BRINP1: variants seen among roughly 807,000 people sequenced by gnomAD.
The protein encoded by BRINP1 is BMP/retinoic acid-inducible neural-specific protein 1.
Under a neutral mutation model 72.9 loss-of-function variants are expected in BRINP1, and 17 were observed. That is an observed-to-expected ratio of 0.23 (90% CI 0.16 to 0.35). BRINP1 has a LOEUF of 0.35. BRINP1 is among the 10% of genes least tolerant of loss of function. BRINP1 has a pLI of 1.00. For missense variants in BRINP1, 850 were observed against 1,001.6 expected (o/e 0.85, Z 2.04); for synonymous variants, 418 against 378.5 (o/e 1.10, Z -1.21).
chr9:119,279,625 A>G lies in BRINP1; in HGVS notation c.219-30475T>C, dbSNP rs1255087176. 1.2e-4 allele frequency among the ~76,000 whole-genome samples: 18 copies of G among 151,972 alleles called. 1 individual carries two copies. Among genetic ancestry groups the G allele is most frequent in the Admixed American group, 1.2e-3 (18 of 15,258 alleles). On this transcript the variant is annotated intron_variant, in intron 2 of 7. Coordinates refer to ENST00000265922, the MANE Select transcript of BRINP1 (RefSeq NM_014618.3). ...CTCGTTCACATTAATTGTGTAGAAA[A>G]AGGTGGAAATTAGTTGAACAAGTGT...
At chr9:119,225,262 A>G (rs912226587) in intron 5 of BRINP1, among the ~76,000 whole-genome samples, 1 of 152,012 alleles carries the variant, frequency 6.6e-6, no homozygotes, top group Admixed American at 6.6e-5. Flanking sequence ...AAAATGTAAA[A>G]TGGAGGAAGC....
chr9:119,211,175 TA>T (rs1829922813), intron 6 of BRINP1, among the ~76,000 whole-genome samples: 1 of 127,968 alleles, frequency 7.8e-6, no homozygotes, highest in Admixed American at 7.1e-5. Context: ...TTTATTTATT[TA>T]TTTATTTATT....
intron 2 of BRINP1, among the ~76,000 whole-genome samples, chr9:119,277,909 C>T (rs1027684055): frequency 3.9e-5 from 6 of 152,046 alleles, no homozygotes; most frequent in Non-Finnish European, 7.4e-5. Context: ...AAAGAGGTTA[C>T]CCCCCTACCT....
intron 2 of BRINP1, among the ~76,000 whole-genome samples, chr9:119,275,515 C>A (rs906756879): frequency 6.6e-6 from 1 of 152,174 alleles, no homozygotes; most frequent in East Asian, 1.9e-4. Flanking sequence ...TCTAAGAAGA[C>A]AGCTGGGGAG....
At chr9:119,250,632 T>C (rs1432683172) in intron 2 of BRINP1, among the ~76,000 whole-genome samples, 1 of 152,190 alleles carries the variant, frequency 6.6e-6, no homozygotes, top group African/African-American at 2.4e-5. Flanking sequence ...GACATGTACA[T>C]GTAAATCATT....
chr9:119,357,113 T>G (rs1467853407), intron 1 of BRINP1, among the ~76,000 whole-genome samples: 1 of 152,242 alleles, frequency 6.6e-6, no homozygotes, highest in Non-Finnish European at 1.5e-5. Context: ...GTAGGTGATC[T>G]TAATACCATA....
chr9:119,339,039 A>C (rs981188279), intron 1 of BRINP1, among the ~76,000 whole-genome samples: 3 of 152,222 alleles, frequency 2.0e-5, no homozygotes, highest in East Asian at 3.9e-4. Flanking sequence ...TGAGAGGGGA[A>C]GATAAAACCT....
chr9:119,310,415 G>A (rs888947580), intron 2 of BRINP1, among the ~76,000 whole-genome samples: 2 of 152,194 alleles, frequency 1.3e-5, no homozygotes, highest in Non-Finnish European at 2.9e-5. Flanking sequence ...AACATGAGAA[G>A]AGGCTTCTGC....
Position 119,250,124 on chromosome 9 carries a change from AGGAGGGAG to A in BRINP1, c.219-982_219-975del, listed in dbSNP as rs556169652. On this transcript the variant is annotated intron_variant, in intron 2 of 7. Transcript: ENST00000265922. ...AGAAAAGGAAGGAGGGAGGGAGGGA[AGGAGGGAG>A]GGAGGGAGGGAAGGAGGGAGGGAGG... Among the ~76,000 whole-genome samples, 8 of 46,170 alleles carry A rather than the reference AGGAGGGAG, an allele frequency of 1.7e-4. No individual in the cohort carries two copies. In the South Asian group the frequency reaches 6.5e-3, roughly 37 times the overall value. The allele number at this position is 46,170 out of a possible 152,430, so 30.3% of individuals were successfully genotyped here.
intron 1 of BRINP1, among the ~76,000 whole-genome samples, chr9:119,327,340 CCCT>C (rs1831250547): frequency 6.6e-6 from 1 of 152,164 alleles, no homozygotes; most frequent in African/African-American, 2.4e-5. Context: ...TATGTTGTTC[CCCT>C]CCCTGTGGAG....
intron 5 of BRINP1, among the ~76,000 whole-genome samples, chr9:119,215,154 G>C (rs1051943919): frequency 3.9e-5 from 6 of 152,170 alleles, no homozygotes; most frequent in African/African-American, 1.4e-4. Context: ...TGCTCTAACA[G>C]TGAGGAAGCC....
Position 119,242,033 on chromosome 9 carries a change from C to A in BRINP1, c.579+14G>T. On this transcript the variant is annotated intron_variant, in intron 4 of 7. Transcript: ENST00000265922. ...ATTGAGAACCTGTCGCCCAAATCCA[C>A]CCCGGAGCTGTACCTTGATTGCTCC... 6.2e-7 allele frequency: 1 copy of A among 1,611,968 alleles called. No individual in the cohort carries two copies. Among genetic ancestry groups the A allele is most frequent in the Middle Eastern group, 1.8e-4 (1 of 5,562 alleles).
chr9:119,272,444 A>G lies in BRINP1; in HGVS notation c.219-23294T>C, dbSNP rs1357494911. Among the ~76,000 whole-genome samples the G allele has an allele frequency of 2.0e-5, 3 of 152,154 alleles. No individual in the cohort carries two copies. In the East Asian group the frequency reaches 5.8e-4, roughly 29 times the overall value. On this transcript the variant is annotated intron_variant, in intron 2 of 7. Transcript: ENST00000265922. ...TCTGGTTGAGGTGGGTGACCTGCAC[A>G]TCCATATTGAAATGAAAGTAAGAGA...
At chr9:119,224,511 C>A (rs1415634548) in intron 5 of BRINP1, among the ~76,000 whole-genome samples, 1 of 152,004 alleles carries the variant, frequency 6.6e-6, no homozygotes, top group Non-Finnish European at 1.5e-5. Context: ...GTTATTTAAT[C>A]CAGTGTTTTA....
chr9:119,213,815 T>G, intron 6 of BRINP1, 104 bp downstream of exon 6: 1 of 961,276 alleles, frequency 1.0e-6, no homozygotes, highest in African/African-American at 1.6e-5. Flanking sequence ...AGGGTCAGGG[T>G]CACTGAACTT....
chr9:119,279,525 C>T (rs1830687705), intron 2 of BRINP1, among the ~76,000 whole-genome samples: 1 of 152,144 alleles, frequency 6.6e-6, no homozygotes, highest in Non-Finnish European at 1.5e-5. Context: ...TAAAATAATA[C>T]CCAGAAAATA....
chr9:119,189,319 C>A (rs1051501469), intron 7 of BRINP1, among the ~76,000 whole-genome samples: 5 of 152,088 alleles, frequency 3.3e-5, no homozygotes, highest in African/African-American at 4.8e-5. Flanking sequence ...GTAGTAAATT[C>A]TTCCGTATCA....
chr9:119,221,278 A>T (rs1487095861), intron 5 of BRINP1, among the ~76,000 whole-genome samples: 1 of 152,102 alleles, frequency 6.6e-6, no homozygotes, highest in Non-Finnish European at 1.5e-5. Context: ...AACAGCAAGG[A>T]CTGCACCTTT....
At chr9:119,188,847 T>G (rs1305671365) in intron 7 of BRINP1, among the ~76,000 whole-genome samples, 4 of 151,992 alleles carry the variant, frequency 2.6e-5, no homozygotes, top group Admixed American at 2.6e-4. Flanking sequence ...AGAAAATATA[T>G]GAAAGCATAA....
Sources: allele counts gnomAD v4.1 joint callset (sites outside exome capture counted in the v4.1 genomes callset), GRCh38; gene constraint gnomAD v4.1.1; transcripts MANE v1.5; gene names NCBI Gene and HGNC (gene_info 2026-07-23, HGNC 2026-07-21).